XRN1: variants seen among roughly 807,000 people sequenced by gnomAD.
The protein encoded by XRN1 is strand-exchange protein 1 homolog.
A neutral mutation model predicts 222.3 loss-of-function variants in XRN1; 67 were observed. That is an observed-to-expected ratio of 0.30 (90% confidence interval 0.25 to 0.37). The LOEUF is 0.37. Among genes scored for constraint, XRN1 ranks in the 10% least tolerant of loss-of-function variants. XRN1 has a pLI of 1.00. For synonymous variants in XRN1, 643 were observed against 652.4 expected (o/e 0.99, Z 0.22); for missense variants, 1,707 against 2,000.2 (o/e 0.85, Z 2.80).
chr3:142,333,401 T>C (rs942660372), intron 34 of XRN1, among the ~76,000 whole-genome samples: 1 of 152,164 alleles, frequency 6.6e-6, no homozygotes. Flanking sequence ...AATATATTTA[T>C]AGTTAATATG....
chr3:142,394,285 G>A (rs1422800189), intron 20 of XRN1, among the ~76,000 whole-genome samples: 4 of 152,128 alleles, frequency 2.6e-5, no homozygotes, highest in Non-Finnish European at 5.9e-5. Flanking sequence ...ATCCAGTGCT[G>A]AGTAAATCCA....
At chr3:142,421,925 C>T (rs928536994) in intron 8 of XRN1, among the ~76,000 whole-genome samples, 1 of 151,262 alleles carries the variant, frequency 6.6e-6, no homozygotes, top group Non-Finnish European at 1.5e-5. Context: ...TTTCTGTTTT[C>T]ATTGAAAAAT....
chr3:142,406,059 GAAAA>G (rs2068323913), intron 15 of XRN1, among the ~76,000 whole-genome samples: 1 of 150,996 alleles, frequency 6.6e-6, no homozygotes, highest in Non-Finnish European at 1.5e-5. Flanking sequence ...AAAATCAAAA[GAAAA>G]AAAGAAAGAG....
intron 24 of XRN1, 82 bp downstream of exon 24, chr3:142,376,393 AAAAT>A (rs1422027640): frequency 9.2e-7 from 1 of 1,083,536 alleles, no homozygotes; most frequent in African/African-American, 1.6e-5. Flanking sequence ...AATTAATAAG[AAAAT>A]AAATACTGAA....
chr3:142,382,167 TAATA>T (rs1402076372), intron 22 of XRN1, among the ~76,000 whole-genome samples: 3 of 152,136 alleles, frequency 2.0e-5, no homozygotes, highest in African/African-American at 4.8e-5. Flanking sequence ...CCCTTGCAGC[TAATA>T]AATAATCTGT....
In XRN1 at chr3:142,397,402, G is replaced by A; in HGVS notation, c.2266C>T (p.Pro756Ser). Residue 756 changes from proline to serine, a missense_variant, in exon 20 of 41, where the codon CCA (proline) becomes TCA (serine). Transcript: ENST00000392981. ...QKLYSGRTAP[P>S]SKVVHLGDKE... ...TCTCCAAGATGAACCACTTTAGATGGTGGGGCAGTTCTTCCTGAATAAAGC... is the reference window on the plus strand; with the variant it reads ...TCTCCAAGATGAACCACTTTAGATGATGGGGCAGTTCTTCCTGAATAAAGC... 1.9e-6 allele frequency: 3 copies of A among 1,609,316 alleles called. No individual in the cohort carries two copies. The highest frequency in any genetic ancestry group is 2.5e-6 in the Non-Finnish European group (3 of 1,177,294).
rs766209491 is a variant in XRN1, at chr3:142,332,403, G to C, written c.4194C>G (p.Pro1398=). The change falls in exon 36 of 41, where the codon CCC becomes CCG. Residue 1398 remains proline (P), a synonymous_variant. Transcript: ENST00000392981. ...ATTTCTTATTTTGTTTAGGCTGAGAGGGTAATCCATATTCATCTCTTCTGT... is the reference window on the plus strand; with the variant it reads ...ATTTCTTATTTTGTTTAGGCTGAGACGGTAATCCATATTCATCTCTTCTGT... ...SSNRRDEYGL[P]SQPKQNKKLA... is the part of the protein sequence containing the mutation. 1 of 1,610,228 alleles carries C rather than the reference G, an allele frequency of 6.2e-7. No homozygotes were observed. The highest frequency in any genetic ancestry group is 8.5e-7 in the Non-Finnish European group (1 of 1,177,468).
intron 8 of XRN1, 97 bp downstream of exon 8, chr3:142,422,485 T>A (rs2069076154): frequency 7.9e-7 from 1 of 1,269,308 alleles, no homozygotes. Flanking sequence ...TTTTCTGCTT[T>A]AGCGTGCATG....
chr3:142,319,958 T>A (rs372552316), intron 37 of XRN1, among the ~76,000 whole-genome samples: 3 of 152,128 alleles, frequency 2.0e-5, no homozygotes, highest in Non-Finnish European at 4.4e-5. Context: ...ACACACATTT[T>A]CTTTATCCAA....
chr3:142,414,387 A>G (rs2068705812), intron 13 of XRN1, 96 bp from the exon 14 acceptor site: 1 of 984,146 alleles, frequency 1.0e-6, no homozygotes, highest in Non-Finnish European at 1.4e-6. Flanking sequence ...AACATATAAA[A>G]ATAATTTTAA....
At chr3:142,379,128 G>A (rs572153549) in intron 23 of XRN1, among the ~76,000 whole-genome samples, 23 of 151,974 alleles carry the variant, frequency 1.5e-4, no homozygotes, top group South Asian at 8.3e-4. Flanking sequence ...AAATTTAGCC[G>A]GGCATGGTGG....
In XRN1 at chr3:142,384,579, G is replaced by C; in HGVS notation, c.2446C>G (p.Leu816Val). 1 of 1,613,082 alleles carries C rather than the reference G, an allele frequency of 6.2e-7. No homozygotes were observed. The highest frequency in any genetic ancestry group is 1.1e-5 in the South Asian group (1 of 90,956). ...ACTTGTTTTGACCACTGTTTCTCTA[G>C]ACGAACTTCACCATTTTGATTTATT... ...YQINQNGEVR[L>V]EKQWSKQVVP... The change falls in exon 21 of 41, where the codon CTA becomes GTA. Residue 816 changes from leucine (L) to valine (V), a missense_variant. Physicochemically the swap from Leu to Val is conservative, Grantham distance 32. This residue lies in a region of XRN1 where 1,234 missense variants were observed against 1,518.2 expected (regional missense o/e 0.81). Transcript: ENST00000392981.
chr3:142,344,947 T>A (rs150958628), intron 33 of XRN1, among the ~76,000 whole-genome samples: 3 of 151,876 alleles, frequency 2.0e-5, no homozygotes, highest in East Asian at 1.9e-4. Flanking sequence ...GAGAAAACAA[T>A]CCTGAAAAAG....
chr3:142,426,956 G>A (rs1011129962), intron 2 of XRN1, 115 bp from the exon 3 acceptor site: 9 of 701,156 alleles, frequency 1.3e-5, no homozygotes, highest in Admixed American at 8.4e-5. Flanking sequence ...CAGTTTTAAC[G>A]TTCAAAACAT....
At chr3:142,391,530 A>G (rs1158989782) in intron 20 of XRN1, among the ~76,000 whole-genome samples, 1 of 152,006 alleles carries the variant, frequency 6.6e-6, no homozygotes, top group Admixed American at 6.6e-5. Flanking sequence ...GGTGTTTGAG[A>G]CTAGCCTGAG....
intron 36 of XRN1, among the ~76,000 whole-genome samples, chr3:142,330,474 T>C (rs1452580710): frequency 1.3e-5 from 2 of 152,146 alleles, no homozygotes; most frequent in Non-Finnish European, 2.9e-5. Context: ...TAATCCAAAC[T>C]TCTTACTAAT....
chr3:142,399,816 C>T (rs1466689366), intron 19 of XRN1, among the ~76,000 whole-genome samples: 2 of 147,822 alleles, frequency 1.4e-5, no homozygotes, highest in African/African-American at 5.0e-5. Flanking sequence ...AAAAAAAAGA[C>T]ATTTCGGATG....
In XRN1 at chr3:142,332,493, G is replaced by A. The variant is rs769371123; in HGVS notation, c.4104C>T (p.Gly1368=). Residue 1368 remains glycine, a synonymous_variant, in exon 36 of 41, where the codon GGC becomes GGT. Coordinates refer to ENST00000392981, the MANE Select transcript of XRN1 (RefSeq NM_001282857.2). Reference sequence around the variant, plus strand: ...CATTCTTATGGTCCACAGTGTTAGAGCCATCAATTTTTAGAATTTCTTTAA... The same window carrying A: ...CATTCTTATGGTCCACAGTGTTAGAACCATCAATTTTTAGAATTTCTTTAA... ...RMLKEILKID[G]SNTVDHKNEI... The A allele has an allele frequency of 6.2e-6, 10 of 1,611,044 alleles. No individual in the cohort carries two copies. The highest frequency in any genetic ancestry group is 8.5e-6 in the Non-Finnish European group (10 of 1,179,066).
intron 31 of XRN1, among the ~76,000 whole-genome samples, chr3:142,355,911 C>T (rs1167770571): frequency 1.3e-5 from 2 of 152,140 alleles, no homozygotes; most frequent in African/African-American, 2.4e-5. Context: ...GCTACCACGT[C>T]CACCCCTAAA....
Sources: allele counts gnomAD v4.1 joint callset (sites outside exome capture counted in the v4.1 genomes callset), GRCh38; gene constraint gnomAD v4.1.1; regional missense constraint gnomAD v4.1.1; transcripts MANE v1.5; gene names NCBI Gene and HGNC (gene_info 2026-07-23, HGNC 2026-07-21).